OTOF: variants seen among roughly 807,000 people sequenced by gnomAD.
OTOF encodes fer-1-like family member 2.
OTOF carries 218 observed loss-of-function variants against 236.8 expected under a neutral mutation model. The ratio of observed to expected loss-of-function variants is 0.92; its 90% CI spans 0.82 to 1.03. OTOF has a LOEUF of 1.03. Ranked by LOEUF, OTOF falls within the 50% of genes least tolerant of loss-of-function variation. The pLI is 0.00. For synonymous variants in OTOF, 1,041 were observed against 1,072.5 expected, an observed-to-expected ratio of 0.97 and a Z score of 0.57; for missense variants, 2,590 against 2,694.4, an observed-to-expected ratio of 0.96 and a Z score of 0.86.
Position 26,461,963 on chromosome 2 carries a change from G to A in OTOF, c.5292-26C>T, listed in dbSNP as rs1173236409. 6 of 1,613,730 alleles carry A rather than the reference G, an allele frequency of 3.7e-6. No homozygotes were observed. The highest frequency in any genetic ancestry group is 3.3e-5 in the South Asian group (3 of 91,076). ...CTGTGGGCGCCACATCTCCAGACCC[G>A]CAGCCAGGCTGGTGGGGCCTCTCCC... On this transcript the variant is annotated intron_variant, in intron 42 of 46. Transcript: ENST00000272371. The surrounding 1 kb of genome is among the most constrained non-coding windows in gnomAD (Gnocchi z 6.2).
intron 10 of OTOF, 31 bp downstream of exon 10, chr2:26,489,647 C>T (rs2148066892): frequency 6.3e-7 from 1 of 1,587,604 alleles, no homozygotes; most frequent in South Asian, 1.1e-5. Context: ...GAGGGAGTGG[C>T]CCTGCCGGCC....
intron 11 of OTOF, among the ~76,000 whole-genome samples, chr2:26,487,830 G>A (rs940688933): frequency 5.9e-5 from 9 of 152,200 alleles, no homozygotes; most frequent in East Asian, 1.9e-4. Context: ...GCAGGAGGCC[G>A]ACTCTTCCCT....
chr2:26,491,360 G>T (rs1468001701), intron 9 of OTOF, among the ~76,000 whole-genome samples: 1 of 152,164 alleles, frequency 6.6e-6, no homozygotes, highest in Non-Finnish European at 1.5e-5. Flanking sequence ...TGGTCTGACT[G>T]TGGAGGGGTG....
chr2:26,477,392 C>A lies in OTOF; in HGVS notation c.2406+24G>T, dbSNP rs767958344. On this transcript the variant is annotated intron_variant, in intron 20 of 46. Transcript: ENST00000272371. The surrounding 1 kb of genome is among the most constrained non-coding windows in gnomAD (Gnocchi z 4.7). The stretch of plus-strand genomic sequence containing the variant: ...TCACAACCAGGCCCTCCCTCCAGCC[C>A]CCGCCGTCCAGTTGCGTCCTCACCA... 2 of 1,570,762 alleles carry A rather than the reference C, an allele frequency of 1.3e-6. No individual in the cohort carries two copies. Among genetic ancestry groups the A allele is most frequent in the Non-Finnish European group, 8.6e-7 (1 of 1,157,652 alleles).
In OTOF at chr2:26,470,787, C is replaced by T; in HGVS notation, c.3895-66G>A. 2 of 1,581,928 alleles carry T rather than the reference C, an allele frequency of 1.3e-6. No individual in the cohort carries two copies. Among genetic ancestry groups the T allele is most frequent in the Non-Finnish European group, 1.7e-6 (2 of 1,168,328 alleles). Reference sequence around the variant, plus strand: ...CTGCCTGGACAATCCCGAGAGCCTCCACCCATTCCGCCATCTGTCAGCAGG... The same window carrying T: ...CTGCCTGGACAATCCCGAGAGCCTCTACCCATTCCGCCATCTGTCAGCAGG... On this transcript the variant is annotated intron_variant, in intron 31 of 46. Transcript: ENST00000272371. The surrounding 1 kb of genome is among the most constrained non-coding windows in gnomAD (Gnocchi z 4.3).
chr2:26,518,960 C>G (rs1666604318), intron 4 of OTOF, 50 bp downstream of exon 4: 1 of 1,303,302 alleles, frequency 7.7e-7, no homozygotes. Context: ...GAACAGACCC[C>G]CAGATGGCCC....
intron 12 of OTOF, 50 bp from the exon 13 acceptor site, chr2:26,483,698 C>G (rs757456658): frequency 6.4e-7 from 1 of 1,553,770 alleles, no homozygotes; most frequent in South Asian, 1.1e-5. Flanking sequence ...AGGTCCCCAA[C>G]CCCCATCCTG....
At chr2:26,512,091 G>A (rs2148092119) in intron 5 of OTOF, among the ~76,000 whole-genome samples, 1 of 152,244 alleles carries the variant, frequency 6.6e-6, no homozygotes, top group Non-Finnish European at 1.5e-5. Context: ...AGTGGCTCCT[G>A]CCCCAAACTC....
chr2:26,494,977 T>C lies in OTOF; in HGVS notation c.862A>G (p.Met288Val), dbSNP rs746179255. The part of the protein sequence containing the change: ...EVGDDKKYTS[M>V]KESTNCPYYN... ...TAGGGGCAGTTAGTGGACTCCTTCATGGATGTGTACTTCTTGTCGTCACCC... is the reference window on the plus strand; with the variant it reads ...TAGGGGCAGTTAGTGGACTCCTTCACGGATGTGTACTTCTTGTCGTCACCC... Residue 288 changes from methionine (M) to valine (V), a missense_variant, in exon 9 of 47, where the codon ATG (methionine) becomes GTG (valine). By Grantham distance (21) the Met-to-Val change is conservative. This residue lies in a region of OTOF where 1,379 missense variants were observed against 1,341.6 expected (regional missense o/e 1.03). Coordinates refer to ENST00000272371, the MANE Select transcript of OTOF (RefSeq NM_194248.3). 1 of 1,614,146 alleles carries C rather than the reference T, an allele frequency of 6.2e-7. No homozygotes were observed. Among genetic ancestry groups the C allele is most frequent in the South Asian group, 1.1e-5 (1 of 91,074 alleles).
intron 1 of OTOF, among the ~76,000 whole-genome samples, chr2:26,556,557 T>A (rs1667589781): frequency 1.3e-5 from 2 of 152,010 alleles, no homozygotes. Context: ...GGGTTGCAAA[T>A]AAACTAATTC....
intron 2 of OTOF, among the ~76,000 whole-genome samples, chr2:26,532,262 C>T (rs1666968800): frequency 1.3e-5 from 2 of 152,066 alleles, no homozygotes; most frequent in Admixed American, 1.3e-4. Flanking sequence ...GCGAGAGTTG[C>T]CCGCGGGCAC....
chr2:26,472,839 C>A (rs781440336), intron 29 of OTOF, among the ~76,000 whole-genome samples, 190 bp from the exon 30 acceptor site: 4 of 152,272 alleles, frequency 2.6e-5, no homozygotes, highest in Non-Finnish European at 4.4e-5. Context: ...GGGGAAGCTG[C>A]GGAGGCCGGT....
Position 26,477,131 on chromosome 2 carries a change from C to G in OTOF, c.2523+41G>C. On this transcript the variant is annotated intron_variant, in intron 21 of 46. Coordinates refer to ENST00000272371, the MANE Select transcript of OTOF (RefSeq NM_194248.3). The surrounding 1 kb of genome is among the most constrained non-coding windows in gnomAD (Gnocchi z 4.7). ...CTGATCCTGAGGGGCCCCAGAGAGC[C>G]AGCCCTGGATGAGGCAAAGCCCCGA... is the stretch of plus-strand genomic sequence containing the variant. 6.3e-7 allele frequency: 1 copy of G among 1,591,240 alleles called. No individual in the cohort carries two copies. Among genetic ancestry groups the G allele is most frequent in the African/African-American group, 1.3e-5 (1 of 74,700 alleles).
At chr2:26,487,610 C>T (rs1665731948) in intron 11 of OTOF, among the ~76,000 whole-genome samples, 1 of 152,178 alleles carries the variant, frequency 6.6e-6, no homozygotes, top group Admixed American at 6.5e-5. Context: ...GGTTTCCTCA[C>T]CAGGACTTTA....
chr2:26,495,088 AG>A lies in OTOF; in HGVS notation c.766-16del, dbSNP rs2148072096. ...GTGATGCTGACCTGCAGGCAGGAGA[AG>A]GGGGAGCCAGAAGGAAAGCTGCCTG... On this transcript the variant is annotated splice_polypyrimidine_tract_variant and intron_variant, in intron 8 of 46. Coordinates refer to ENST00000272371, the MANE Select transcript of OTOF (RefSeq NM_194248.3). The A allele has an allele frequency of 6.2e-7, 1 of 1,613,930 alleles. No homozygotes were observed. Among genetic ancestry groups the A allele is most frequent in the Non-Finnish European group, 8.5e-7 (1 of 1,179,960 alleles).
intron 11 of OTOF, 123 bp downstream of exon 11, chr2:26,489,088 C>T: frequency 2.7e-6 from 2 of 742,396 alleles, no homozygotes; most frequent in Non-Finnish European, 2.4e-6. Context: ...TGTGTACTAA[C>T]AGTCGCCAGA....
intron 3 of OTOF, among the ~76,000 whole-genome samples, chr2:26,524,619 G>C (rs1476480928): frequency 6.6e-6 from 1 of 152,248 alleles, no homozygotes. Context: ...GTTTGTAGCA[G>C]TCTTTTGATG....
intron 1 of OTOF, among the ~76,000 whole-genome samples, chr2:26,541,718 C>T (rs1667216636): frequency 6.6e-6 from 1 of 152,200 alleles, no homozygotes; most frequent in Non-Finnish European, 1.5e-5. Flanking sequence ...GTTGACATTC[C>T]AGCTTCATTT....
At chr2:26,532,462 G>A (rs914350547) in intron 2 of OTOF, among the ~76,000 whole-genome samples, 3 of 152,190 alleles carry the variant, frequency 2.0e-5, no homozygotes, top group African/African-American at 7.2e-5. Flanking sequence ...CCCATGCTGG[G>A]GGCGAACATT....
Sources: allele counts gnomAD v4.1 joint callset (sites outside exome capture counted in the v4.1 genomes callset), GRCh38; gene constraint gnomAD v4.1.1; regional missense constraint gnomAD v4.1.1; non-coding constraint Gnocchi (gnomAD v3.1); transcripts MANE v1.5; gene names NCBI Gene and HGNC (gene_info 2026-07-23, HGNC 2026-07-21).